The following TSC1 variants were observed in gnomAD, a reference collection of about 807,000 sequenced individuals.
The protein encoded by TSC1 is TSC complex subunit 1, also known as hamartin.
A neutral mutation model predicts 124.3 loss-of-function variants in TSC1; 20 were observed. That is an observed-to-expected ratio of 0.16 (90% CI 0.11 to 0.23). The LOEUF is 0.23. Ranked by LOEUF, TSC1 falls within the 10% of genes least tolerant of loss-of-function variation. The probability of loss-of-function intolerance (pLI) is 1.00; values close to 1 mark genes in which losing one functional copy is unlikely to be tolerated. For synonymous variants in TSC1, 493 were observed against 539.1 expected, an observed-to-expected ratio of 0.91 and a Z score of 1.19; for missense variants, 1,124 against 1,448.5, an observed-to-expected ratio of 0.78 and a Z score of 3.64.
chr9:132,913,891 GTTTTTTTTT>G (rs775823272), intron 8 of TSC1, among the ~76,000 whole-genome samples: 1 of 58,372 alleles, frequency 1.7e-5, no homozygotes, highest in African/African-American at 6.7e-5. Context: ...GTTTTGTTTT[GTTTTTTTTT>G]TTTTTTTTTT....
At position 132,923,856 on chromosome 9, in the gene TSC1, G is replaced by A. The variant is rs1230923405; in HGVS notation, c.364-364C>T. On this transcript the variant is annotated intron_variant, in intron 5 of 22. Transcript: ENST00000298552. This position sits in a 1 kb window ranked among gnomAD's most constrained non-coding sequence, Gnocchi z 4.2. ...AGCTGCTTTTCAACAAAACACAGGA[G>A]CACTGCTCTGTTTCATTCATTCAAC... is the stretch of plus-strand genomic sequence containing the variant. Among the ~76,000 whole-genome samples, 1 of 151,588 alleles carries A rather than the reference G, an allele frequency of 6.6e-6. No individual in the cohort carries two copies. The highest frequency in any genetic ancestry group is 1.5e-5 in the Non-Finnish European group (1 of 67,974).
Position 132,896,615 on chromosome 9 carries a change from T to G in TSC1, c.3115A>C (p.Ser1039Arg), listed in dbSNP as rs1490199228. 1.2e-6 allele frequency: 2 copies of G among 1,613,762 alleles called. No homozygotes were observed. The highest frequency in any genetic ancestry group is 1.7e-6 in the Non-Finnish European group (2 of 1,179,748). ...SSGSRGGGGS[S>R]SSSSELSTPE... The stretch of plus-strand genomic sequence containing the variant: ...GTAGAAAGCTCGCTGCTGCTGCTGC[T>G]GCTGCCTCCACCACCTCTGCTTCCA... Residue 1039 changes from serine to arginine, a missense_variant, in exon 23 of 23, where the codon AGC becomes CGC. By Grantham distance (110) the Ser-to-Arg change is moderately radical (BLOSUM62 -1). Transcript: ENST00000298552. This position sits in a 1 kb window ranked among gnomAD's most constrained non-coding sequence, Gnocchi z 4.5.
intron 12 of TSC1, 104 bp downstream of exon 12, chr9:132,910,467 T>A: frequency 6.3e-7 from 1 of 1,590,704 alleles, no homozygotes; most frequent in South Asian, 1.1e-5. Context: ...ACCCATTGCA[T>A]TTTAGGTCAG....
chr9:132,917,240 C>T (rs2132075716), intron 8 of TSC1, among the ~76,000 whole-genome samples: 1 of 152,088 alleles, frequency 6.6e-6, no homozygotes, highest in East Asian at 1.9e-4. Flanking sequence ...ACCAGGTAAG[C>T]CCCTTCAATC....
At chr9:132,916,336 T>C (rs1227597857) in intron 8 of TSC1, among the ~76,000 whole-genome samples, 1 of 152,196 alleles carries the variant, frequency 6.6e-6, no homozygotes, top group Admixed American at 6.5e-5. Flanking sequence ...CCAATTCTGT[T>C]AGCTGAATTG....
chr9:132,930,587 CAAAAAAAAAAAA>C (rs58163733), intron 2 of TSC1, among the ~76,000 whole-genome samples: 2 of 45,248 alleles, frequency 4.4e-5, no homozygotes, highest in South Asian at 1.3e-3. Flanking sequence ...GACTCTGCCT[CAAAAAAAAAAAA>C]AAAAAAAAAA....
At chr9:132,943,291 A>C (rs1366368634) in intron 1 of TSC1, among the ~76,000 whole-genome samples, 1 of 151,890 alleles carries the variant, frequency 6.6e-6, no homozygotes, top group African/African-American at 2.4e-5. Flanking sequence ...TAAACTCATC[A>C]GTTTTATTAA....
rs1845490185 is a variant in TSC1, at chr9:132,903,566, C to A, written c.2208+85G>T. On this transcript the variant is annotated intron_variant, in intron 17 of 22. Coordinates refer to ENST00000298552, the MANE Select transcript of TSC1 (RefSeq NM_000368.5). This position sits in a 1 kb window ranked among gnomAD's most constrained non-coding sequence, Gnocchi z 5.9. ...GGGAAGGACTGGGAACTCTGACCTC[C>A]TCGGCTGCTGTGCTTTATAAGCTAT... 2.5e-6 allele frequency: 4 copies of A among 1,604,476 alleles called. No individual in the cohort carries two copies. Among genetic ancestry groups the A allele is most frequent in the Non-Finnish European group, 3.4e-6 (4 of 1,174,698 alleles).
rs1304291054 is a variant in TSC1 at position 132,911,458 on chromosome 9, G to T, written c.1024C>A (p.Pro342Thr). 6.2e-7 allele frequency: 1 copy of T among 1,610,486 alleles called. No homozygotes were observed. The highest frequency in any genetic ancestry group is 1.1e-5 in the South Asian group (1 of 91,000). The change falls in exon 10 of 23, where the codon CCA (proline) becomes ACA (threonine). Residue 342 changes from proline to threonine, a missense_variant. Around this residue, in one of 5 missense-constraint regions of TSC1, gnomAD observed 463 missense variants for 606.8 expected, o/e 0.76. Coordinates refer to ENST00000298552, the MANE Select transcript of TSC1 (RefSeq NM_000368.5). ...CACACTAGTTGACACCATACTTGTG[G>T]TGGTTCAGTTATCAGCCGTGTCGAT... The part of the protein sequence containing the change: ...SPSTRLITEP[P>T]QATLWSPSMV...
At chr9:132,924,222 G>A (rs1252094314) in intron 5 of TSC1, among the ~76,000 whole-genome samples, 1 of 152,070 alleles carries the variant, frequency 6.6e-6, no homozygotes, top group Non-Finnish European at 1.5e-5. Flanking sequence ...AATCATGAAT[G>A]TTTGCCAGGT....
At chr9:132,934,962 C>G (rs549403710) in intron 2 of TSC1, 71 bp downstream of exon 2, 1 of 398,836 alleles carries the variant, frequency 2.5e-6, no homozygotes, top group African/African-American at 2.1e-5. Context: ...TGTTAAATCC[C>G]TGAATGCACG....
rs1415999754 is a variant in TSC1, at chr9:132,894,498, A to G, written c.*1737T>C. On this transcript the variant is annotated 3_prime_UTR_variant, in exon 23 of 23. Transcript: ENST00000298552. ...AAATGTGTGGTGTCACTAATACTCC[A>G]CATCTGACAATTCAGTACCAACTGC... 1 of 228,228 alleles carries G rather than the reference A, an allele frequency of 4.4e-6. No homozygotes were observed. 14.1% of individuals were successfully genotyped at this position (228,228 alleles called of 1,614,324 possible).
chr9:132,921,533 G>A lies in TSC1; in HGVS notation c.664-97C>T, dbSNP rs1000362720. On this transcript the variant is annotated intron_variant, in intron 7 of 22. Transcript: ENST00000298552. This position sits in a 1 kb window ranked among gnomAD's most constrained non-coding sequence, Gnocchi z 4.3. ...TGACAATTAAAAGGAATGAAGTACT[G>A]ATACATGTTATAACACAGATGGAAC... 7.2e-7 allele frequency: 1 copy of A among 1,393,754 alleles called. No homozygotes were observed. Among genetic ancestry groups the A allele is most frequent in the Non-Finnish European group, 1.0e-6 (1 of 986,480 alleles). 86.3% of individuals were successfully genotyped at this position (1,393,754 alleles called of 1,614,324 possible). A position where few individuals can be genotyped will look rare whatever the true frequency, so the allele number is the denominator to read the frequency against.
chr9:132,924,385 T>A (rs1846738078), intron 5 of TSC1, among the ~76,000 whole-genome samples: 1 of 152,228 alleles, frequency 6.6e-6, no homozygotes, highest in Admixed American at 6.5e-5. Context: ...AAGCCTTTCA[T>A]TACGGAAGAT....
At chr9:132,912,114 G>A (rs1478299507) in intron 9 of TSC1, among the ~76,000 whole-genome samples, 168 bp downstream of exon 9, 1 of 152,184 alleles carries the variant, frequency 6.6e-6, no homozygotes, top group African/African-American at 2.4e-5. Flanking sequence ...AAACTTGAAG[G>A]AGAAATTAAT....
intron 1 of TSC1, chr9:132,942,361 T>C (rs1030523464): frequency 6.6e-6 from 1 of 152,246 alleles, no homozygotes; most frequent in Non-Finnish European, 1.5e-5. Context: ...TAGTGCCAAA[T>C]ATCTGTACAT....
At position 132,913,597 on chromosome 9, in the gene TSC1, C is replaced by A. The variant is rs529478298; in HGVS notation, c.738-1140G>T. On this transcript the variant is annotated intron_variant, in intron 8 of 22. Transcript: ENST00000298552. Reference sequence around the variant, plus strand: ...ATCCCAGCACTTTGGGAGGCTGAGGCGGACGGATCACAAGGTCGAGAGATT... The same window carrying A: ...ATCCCAGCACTTTGGGAGGCTGAGGAGGACGGATCACAAGGTCGAGAGATT... 2.0e-5 allele frequency among the ~76,000 whole-genome samples: 3 copies of A among 152,038 alleles called. No homozygotes were observed. In the East Asian group the frequency reaches 5.9e-4, roughly 30 times the overall value.
chr9:132,925,453 T>C lies in TSC1; in HGVS notation c.363+134A>G. On this transcript the variant is annotated intron_variant, in intron 5 of 22. Coordinates refer to ENST00000298552, the MANE Select transcript of TSC1 (RefSeq NM_000368.5). ...AGTACCAACTCTGGACAACATTCTATTTGAGAAAAGCCAAATGCCTAGAAG... is the reference window on the plus strand; with the variant it reads ...AGTACCAACTCTGGACAACATTCTACTTGAGAAAAGCCAAATGCCTAGAAG... The C allele has an allele frequency of 1.5e-5, 16 of 1,063,784 alleles. 1 individual carries two copies. The South Asian group carries it at 2.2e-4, about 15-fold the overall frequency. The allele number at this position is 1,063,784 out of a possible 1,614,324, so 65.9% of individuals were successfully genotyped here.
At chr9:132,944,698 T>G (rs1041940922), upstream of TSC1, 2 of 398,078 alleles carry the variant, frequency 5.0e-6, no homozygotes, top group African/African-American at 2.1e-5. Context: ...CCTCCCCTCC[T>G]TCTCGAAAGG....
Sources: allele counts gnomAD v4.1 joint callset (sites outside exome capture counted in the v4.1 genomes callset), GRCh38; gene constraint gnomAD v4.1.1; regional missense constraint gnomAD v4.1.1; non-coding constraint Gnocchi (gnomAD v3.1); transcripts MANE v1.5; gene names NCBI Gene and HGNC (gene_info 2026-07-23, HGNC 2026-07-21).